TBC1D22A: variants seen among roughly 807,000 people sequenced by gnomAD.
The protein encoded by TBC1D22A is putative GTPase activator.
TBC1D22A carries 38 observed loss-of-function variants against 60.2 expected under a neutral mutation model. The ratio of observed to expected loss-of-function variants is 0.63; its 90% CI spans 0.49 to 0.83. TBC1D22A has a LOEUF of 0.83. Among genes scored for constraint, TBC1D22A ranks in the 40% least tolerant of loss-of-function variants. The pLI is 0.00. For missense variants in TBC1D22A, 628 were observed against 701.0 expected, an observed-to-expected ratio of 0.90 and a Z score of 1.18; for synonymous variants, 302 against 281.7, an observed-to-expected ratio of 1.07 and a Z score of -0.72.
At chr22:46,932,760 T>G (rs1177727991) in intron 8 of TBC1D22A, among the ~76,000 whole-genome samples, 1 of 139,684 alleles carries the variant, frequency 7.2e-6, no homozygotes, top group Non-Finnish European at 1.5e-5. Context: ...AGTCTCGCCC[T>G]GTTGCCCAGG....
rs1294609969 is a variant in TBC1D22A, at chr22:46,793,746, A to G, written c.365A>G (p.Gln122Arg). The G allele has an allele frequency of 6.2e-7, 1 of 1,605,282 alleles. No homozygotes were observed. Among genetic ancestry groups the G allele is most frequent in the East Asian group, 2.2e-5 (1 of 44,708 alleles). Reference sequence around the variant, plus strand: ...CTGCAGGAGGGGCCAGGGCTTCAGCAGAAGCCCAGGCCCGAGGCAGAGCCG... The same window carrying G: ...CTGCAGGAGGGGCCAGGGCTTCAGCGGAAGCCCAGGCCCGAGGCAGAGCCG... ...PTLQEGPGLQ[Q>R]KPRPEAEPPS... The change falls in exon 3 of 13, where the codon CAG (glutamine) becomes CGG (arginine). Residue 122 changes from glutamine to arginine, a missense_variant. Transcript: ENST00000337137.
intron 7 of TBC1D22A, among the ~76,000 whole-genome samples, chr22:46,908,594 A>T (rs979297352): frequency 6.6e-6 from 1 of 152,184 alleles, no homozygotes; most frequent in Admixed American, 6.5e-5. Flanking sequence ...AGAAATTGGA[A>T]TTCTCCATTT....
At chr22:47,135,063 G>A (rs4823596) in intron 12 of TBC1D22A, among the ~76,000 whole-genome samples, 53,016 of 152,104 alleles carry the variant, frequency 0.35, 9,618 homozygotes, top group East Asian at 0.61. Flanking sequence ...TCAGACCCCC[G>A]CCCCAGTCCC....
chr22:47,044,751 G>T (rs1253565118), intron 11 of TBC1D22A, among the ~76,000 whole-genome samples: 1 of 152,250 alleles, frequency 6.6e-6, no homozygotes, highest in Non-Finnish European at 1.5e-5. Context: ...AGCTGGAAGA[G>T]GGGTGTATCT....
intron 11 of TBC1D22A, among the ~76,000 whole-genome samples, chr22:47,102,466 C>T (rs780982340): frequency 6.6e-6 from 1 of 152,244 alleles, no homozygotes; most frequent in South Asian, 2.1e-4. Flanking sequence ...CTGCTCACGC[C>T]TCCCTGTTTT....
intron 8 of TBC1D22A, among the ~76,000 whole-genome samples, chr22:46,956,765 G>C (rs2073217433): frequency 6.6e-6 from 1 of 152,254 alleles, no homozygotes; most frequent in Non-Finnish European, 1.5e-5. Context: ...CGAGGGGTGT[G>C]AGTGAGGAGA....
chr22:47,061,752 C>CT (rs533609036), intron 11 of TBC1D22A, among the ~76,000 whole-genome samples: 157 of 152,130 alleles, frequency 1.0e-3, no homozygotes, highest in African/African-American at 3.7e-3. Context: ...GTAAAGGATT[C>CT]TTTCCTTAAA....
chr22:46,775,224 T>C (rs2083653375), intron 1 of TBC1D22A, among the ~76,000 whole-genome samples: 1 of 152,210 alleles, frequency 6.6e-6, no homozygotes, highest in Admixed American at 6.5e-5. Context: ...GAGGGCTTGG[T>C]GCACCCGCTG....
intron 4 of TBC1D22A, among the ~76,000 whole-genome samples, chr22:46,806,341 A>ATTTTT (rs34490073): frequency 7.5e-6 from 1 of 132,594 alleles, no homozygotes; most frequent in African/African-American, 2.8e-5. Context: ...CTCTGTTCTG[A>ATTTTT]TTTTTTTTTT....
intron 11 of TBC1D22A, among the ~76,000 whole-genome samples, chr22:47,046,929 G>A (rs762118543): frequency 7.2e-5 from 11 of 152,210 alleles, no homozygotes; most frequent in Non-Finnish European, 1.3e-4. Flanking sequence ...TGGCGGGTCT[G>A]CCCCACTCCA....
At chr22:47,098,991 C>A (rs565998910) in intron 11 of TBC1D22A, among the ~76,000 whole-genome samples, 6 of 152,188 alleles carry the variant, frequency 3.9e-5, no homozygotes, top group Non-Finnish European at 8.8e-5. Context: ...GCGGGGGCTC[C>A]TGAAGATGAA....
intron 10 of TBC1D22A, among the ~76,000 whole-genome samples, chr22:47,012,834 G>A (rs2061793588): frequency 6.6e-6 from 1 of 152,182 alleles, no homozygotes; most frequent in Non-Finnish European, 1.5e-5. Context: ...CCCTACGTTA[G>A]AAGACGGGAC....
chr22:46,795,445 G>A (rs932744460), intron 3 of TBC1D22A, among the ~76,000 whole-genome samples: 1 of 152,212 alleles, frequency 6.6e-6, no homozygotes, highest in Non-Finnish European at 1.5e-5. Flanking sequence ...GCTGGGGTCG[G>A]GGAGCTATGA....
At chr22:46,879,639 TTA>T (rs1001619901) in intron 5 of TBC1D22A, among the ~76,000 whole-genome samples, 2 of 152,240 alleles carry the variant, frequency 1.3e-5, no homozygotes, top group African/African-American at 2.4e-5. Context: ...CTGCCATTGC[TTA>T]TGTTTTTGTT....
At chr22:46,915,497 G>A (rs1220389965) in intron 8 of TBC1D22A, 2 of 456,542 alleles carry the variant, frequency 4.4e-6, no homozygotes, top group Admixed American at 2.4e-5. Flanking sequence ...TACACCTTTG[G>A]TGCAGCTGCC....
intron 1 of TBC1D22A, among the ~76,000 whole-genome samples, chr22:46,768,440 G>A (rs1030723158): frequency 4.2e-5 from 6 of 144,412 alleles, no homozygotes; most frequent in East Asian, 2.1e-4. Flanking sequence ...AGCCAAGGTC[G>A]CGCCACCGCC....
chr22:47,129,131 T>A (rs961372240), intron 12 of TBC1D22A, among the ~76,000 whole-genome samples: 2 of 152,168 alleles, frequency 1.3e-5, no homozygotes, highest in Admixed American at 1.3e-4. Context: ...CTTCAGCAGA[T>A]CTCCTAGGAA....
chr22:47,163,581 G>C (rs1372775024), intron 12 of TBC1D22A, among the ~76,000 whole-genome samples: 1 of 152,214 alleles, frequency 6.6e-6, no homozygotes, highest in Non-Finnish European at 1.5e-5. Flanking sequence ...GGACAGCCAT[G>C]GTTGCTGTGG....
intron 4 of TBC1D22A, among the ~76,000 whole-genome samples, chr22:46,861,532 G>A (rs371806291): frequency 6.6e-6 from 1 of 152,260 alleles, no homozygotes; most frequent in African/African-American, 2.4e-5. Flanking sequence ...TAGATGGCCT[G>A]GCTTCTCTTG....
Sources: allele counts gnomAD v4.1 joint callset (sites outside exome capture counted in the v4.1 genomes callset), GRCh38; gene constraint gnomAD v4.1.1; transcripts MANE v1.5; gene names NCBI Gene and HGNC (gene_info 2026-07-23, HGNC 2026-07-21).